ZNF384: variants seen among roughly 807,000 people sequenced by gnomAD.
ZNF384 encodes CAG repeat protein 1.
In ZNF384, 20 loss-of-function variants were observed where a neutral mutation model predicts 65.0. The observed-to-expected ratio is 0.31, with a 90% CI of 0.22 to 0.45. ZNF384 has a LOEUF of 0.45. Among genes scored for constraint, ZNF384 ranks in the 20% least tolerant of loss-of-function variants. The pLI is 1.00. For missense variants in ZNF384, 549 were observed against 769.4 expected (o/e 0.71, Z 3.39); for synonymous variants, 310 against 303.9 (o/e 1.02, Z -0.21).
At chr12:6,670,355 G>A (rs989608011) in intron 10 of ZNF384, among the ~76,000 whole-genome samples, 1 of 151,866 alleles carries the variant, frequency 6.6e-6, no homozygotes, top group Non-Finnish European at 1.5e-5. Flanking sequence ...TTGAGACCGG[G>A]AGGCTGAGGC....
chr12:6,685,417 A>G (rs1200366528), intron 2 of ZNF384, among the ~76,000 whole-genome samples: 1 of 152,120 alleles, frequency 6.6e-6, no homozygotes, highest in Non-Finnish European at 1.5e-5. Context: ...GGCAGGCTGA[A>G]AATCTGGGTT....
At chr12:6,668,479 G>A (rs944352516) in intron 11 of ZNF384, among the ~76,000 whole-genome samples, 1 of 152,062 alleles carries the variant, frequency 6.6e-6, no homozygotes, top group Middle Eastern at 3.2e-3. Flanking sequence ...GAGGTAGGTG[G>A]ATCACTTGAG....
intron 2 of ZNF384, 29 bp from the exon 3 acceptor site, chr12:6,679,554 A>G (rs942555119): frequency 1.1e-5 from 18 of 1,569,792 alleles, no homozygotes; most frequent in Non-Finnish European, 1.6e-5. Context: ...AACATGTCAC[A>G]CTCAGGAATT....
In ZNF384 at chr12:6,678,561, C is replaced by A. The variant is rs573856827; in HGVS notation, c.353-101G>T. On this transcript the variant is annotated intron_variant, in intron 5 of 11. Coordinates refer to ENST00000683879, the MANE Select transcript of ZNF384 (RefSeq NM_001385745.1). This position sits in a 1 kb window ranked among gnomAD's most constrained non-coding sequence, Gnocchi z 4.9. ...CATTGTCTAATTAACCCCTCACCCC[C>A]CCGCCGACCCAACCCAGAGTACACA... 32 of 1,541,696 alleles carry A rather than the reference C, an allele frequency of 2.1e-5. No homozygotes were observed. The highest frequency in any genetic ancestry group is 1.7e-4 in the Middle Eastern group (1 of 5,752).
chr12:6,673,783 A>AGG lies in ZNF384; in HGVS notation c.780-344_780-343insCC, dbSNP rs1952454677. 1.3e-5 allele frequency among the ~76,000 whole-genome samples: 2 copies of AGG among 152,268 alleles called. No homozygotes were observed. The highest frequency in any genetic ancestry group is 2.9e-5 in the Non-Finnish European group (2 of 68,012). ...GCCTTCTGCTTACAGCTTGATTTCA[A>AGG]ACATTTAAGGAATTCCTTGCTCTGA... On this transcript the variant is annotated intron_variant, in intron 7 of 11. Transcript: ENST00000683879. This position sits in a 1 kb window ranked among gnomAD's most constrained non-coding sequence, Gnocchi z 4.7.
chr12:6,677,498 T>C (rs1199195307), intron 6 of ZNF384, among the ~76,000 whole-genome samples: 2 of 152,172 alleles, frequency 1.3e-5, no homozygotes, highest in African/African-American at 2.4e-5. Flanking sequence ...TTTTGTAGAG[T>C]ATCACATGCA....
rs1346304030 is a variant in ZNF384, at chr12:6,667,659, AAAG to A, written c.*52_*54del. The A allele has an allele frequency of 5.6e-6, 9 of 1,609,636 alleles. No homozygotes were observed. Among genetic ancestry groups the A allele is most frequent in the African/African-American group, 1.3e-5 (1 of 74,742 alleles). ...GGACTTTTCCCACCAAGAGTTGGAG[AAAG>A]AAGACACCAGGACTACTTCTTCCTC... On this transcript the variant is annotated 3_prime_UTR_variant, in exon 12 of 12. Transcript: ENST00000683879.
intron 2 of ZNF384, among the ~76,000 whole-genome samples, chr12:6,686,445 G>A (rs1957940499): frequency 6.6e-6 from 1 of 152,170 alleles, no homozygotes; most frequent in Non-Finnish European, 1.5e-5. Flanking sequence ...GTAGAGACGG[G>A]ATTTTGCTAT....
chr12:6,676,445 CTGAA>C (rs1280983146), intron 7 of ZNF384, among the ~76,000 whole-genome samples: 1 of 152,170 alleles, frequency 6.6e-6, no homozygotes, highest in African/African-American at 2.4e-5. Flanking sequence ...TCCAAAAATA[CTGAA>C]TGTGTGAAAA....
chr12:6,672,762 C>T lies in ZNF384; in HGVS notation c.1005-230G>A, dbSNP rs1419970077. Among the ~76,000 whole-genome samples, 3 of 152,132 alleles carry T rather than the reference C, an allele frequency of 2.0e-5. No individual in the cohort carries two copies. The highest frequency in any genetic ancestry group is 7.2e-5 in the African/African-American group (3 of 41,412). Reference sequence around the variant, plus strand: ...GCAGTGAGATGATGAAGAGCTGCAACCCATGGCTCCTGGTAACCTTAAAGT... The same window carrying T: ...GCAGTGAGATGATGAAGAGCTGCAATCCATGGCTCCTGGTAACCTTAAAGT... On this transcript the variant is annotated intron_variant, in intron 8 of 11. Coordinates refer to ENST00000683879, the MANE Select transcript of ZNF384 (RefSeq NM_001385745.1). This position sits in a 1 kb window ranked among gnomAD's most constrained non-coding sequence, Gnocchi z 4.4.
Position 6,667,269 on chromosome 12 carries a change from A to C in ZNF384, c.*445T>G. 1 of 327,274 alleles carries C rather than the reference A, an allele frequency of 3.1e-6. No individual in the cohort carries two copies. Among genetic ancestry groups the C allele is most frequent in the Non-Finnish European group, 5.8e-6 (1 of 172,640 alleles). The allele number at this position is 327,274 out of a possible 1,614,324, so 20.3% of individuals were successfully genotyped here. The stretch of plus-strand genomic sequence containing the variant: ...AGAAACCTCTGTTCTTTTGCAGGCA[A>C]GAATAGAACAAGAGGCTGGTTGCAT... On this transcript the variant is annotated 3_prime_UTR_variant, in exon 12 of 12. Coordinates refer to ENST00000683879, the MANE Select transcript of ZNF384 (RefSeq NM_001385745.1).
In ZNF384 at chr12:6,678,555, C is replaced by T. The variant is rs150834335; in HGVS notation, c.353-95G>A. ...CCAGATCATTGTCTAATTAACCCCT[C>T]ACCCCCCCGCCGACCCAACCCAGAG... On this transcript the variant is annotated intron_variant, in intron 5 of 11. Coordinates refer to ENST00000683879, the MANE Select transcript of ZNF384 (RefSeq NM_001385745.1). This position sits in a 1 kb window ranked among gnomAD's most constrained non-coding sequence, Gnocchi z 4.9. 4.0e-5 allele frequency: 61 copies of T among 1,528,554 alleles called. No homozygotes were observed. The East Asian group carries it at 1.3e-3, about 32-fold the overall frequency. The allele number at this position is 1,528,554 out of a possible 1,614,324, so 94.7% of individuals were successfully genotyped here.
chr12:6,671,445 C>G (rs1281564125), intron 9 of ZNF384: 1 of 152,462 alleles, frequency 6.6e-6, no homozygotes, highest in Non-Finnish European at 1.5e-5. Flanking sequence ...CTAAGATGAG[C>G]CAAGGACTTG....
rs779674307 is a variant in ZNF384, at chr12:6,678,105, T to G, written c.686+22A>C. 6.3e-7 allele frequency: 1 copy of G among 1,594,168 alleles called. No individual in the cohort carries two copies. Among genetic ancestry groups the G allele is most frequent in the Non-Finnish European group, 8.6e-7 (1 of 1,166,102 alleles). ...CAAGCCAGGGATCCTCGCCCCATCC[T>G]GCCCCTGGCTCTGAGTCTTACCTGT... On this transcript the variant is annotated intron_variant, in intron 6 of 11. Transcript: ENST00000683879. This position sits in a 1 kb window ranked among gnomAD's most constrained non-coding sequence, Gnocchi z 4.9.
At chr12:6,674,933 C>A (rs73266906) in intron 7 of ZNF384, among the ~76,000 whole-genome samples, 21,481 of 152,036 alleles carry the variant, frequency 0.14, 3,479 homozygotes, top group African/African-American at 0.4. Context: ...ACACATTGTC[C>A]CTTGAAGGGC....
intron 9 of ZNF384, chr12:6,671,918 G>A (rs1429755481): frequency 6.3e-6 from 1 of 159,028 alleles, no homozygotes; most frequent in Non-Finnish European, 1.4e-5. Flanking sequence ...CCAGGCTGGT[G>A]CCCAGCTAAT....
chr12:6,672,214 C>T lies in ZNF384; in HGVS notation c.1187+136G>A. The T allele has an allele frequency of 1.1e-6, 1 of 941,002 alleles. No homozygotes were observed. Among genetic ancestry groups the T allele is most frequent in the Non-Finnish European group, 1.6e-6 (1 of 644,634 alleles). The allele number at this position is 941,002 out of a possible 1,614,324, so 58.3% of individuals were successfully genotyped here. A position where few individuals can be genotyped will look rare whatever the true frequency, so the allele number is the denominator to read the frequency against. The stretch of plus-strand genomic sequence containing the variant: ...CCAGTGTTGTTTGGTCTTCCTTCTC[C>T]CAGATGCCAGCCAGGTCTCTCCTCC... On this transcript the variant is annotated intron_variant, in intron 9 of 11. Coordinates refer to ENST00000683879, the MANE Select transcript of ZNF384 (RefSeq NM_001385745.1). The surrounding 1 kb of genome is among the most constrained non-coding windows in gnomAD (Gnocchi z 4.4).
chr12:6,678,563 C>G lies in ZNF384; in HGVS notation c.352+100G>C. The G allele has an allele frequency of 6.4e-7, 1 of 1,551,230 alleles. No individual in the cohort carries two copies. The highest frequency in any genetic ancestry group is 1.1e-5 in the South Asian group (1 of 87,360). On this transcript the variant is annotated intron_variant, in intron 5 of 11. Coordinates refer to ENST00000683879, the MANE Select transcript of ZNF384 (RefSeq NM_001385745.1). The surrounding 1 kb of genome is among the most constrained non-coding windows in gnomAD (Gnocchi z 4.9). Reference sequence around the variant, plus strand: ...TTGTCTAATTAACCCCTCACCCCCCCGCCGACCCAACCCAGAGTACACAGG... The same window carrying G: ...TTGTCTAATTAACCCCTCACCCCCCGGCCGACCCAACCCAGAGTACACAGG...
chr12:6,667,515 G>A lies in ZNF384; in HGVS notation c.*199C>T. 1.3e-6 allele frequency: 1 copy of A among 741,598 alleles called. No individual in the cohort carries two copies. The highest frequency in any genetic ancestry group is 2.3e-6 in the Non-Finnish European group (1 of 426,282). 45.9% of individuals were successfully genotyped at this position (741,598 alleles called of 1,614,324 possible). A position where few individuals can be genotyped will look rare whatever the true frequency, so the allele number is the denominator to read the frequency against. ...GACACCATCAGCTCAGTATTCCTTT[G>A]CAATCAGGAGGGCTGATGTTCCTTT... On this transcript the variant is annotated 3_prime_UTR_variant, in exon 12 of 12. Coordinates refer to ENST00000683879, the MANE Select transcript of ZNF384 (RefSeq NM_001385745.1).
Sources: allele counts gnomAD v4.1 joint callset (sites outside exome capture counted in the v4.1 genomes callset), GRCh38; gene constraint gnomAD v4.1.1; non-coding constraint Gnocchi (gnomAD v3.1); transcripts MANE v1.5; gene names NCBI Gene and HGNC (gene_info 2026-07-23, HGNC 2026-07-21).